ESF1: variants seen among roughly 807,000 people sequenced by gnomAD.
ESF1 encodes the protein ESF1 homolog.
ESF1 carries 58 observed loss-of-function variants against 92.0 expected under a neutral mutation model. The ratio of observed to expected loss-of-function variants is 0.63; its 90% CI spans 0.51 to 0.78. The LOEUF (loss-of-function observed/expected upper bound fraction) is 0.78. ESF1 is among the 30% of genes least tolerant of loss of function. ESF1 has a pLI of 0.00. For missense variants in ESF1, 922 were observed against 989.1 expected, an observed-to-expected ratio of 0.93 and a Z score of 0.91; for synonymous variants, 321 against 313.7, an observed-to-expected ratio of 1.02 and a Z score of -0.24.
intron 11 of ESF1, among the ~76,000 whole-genome samples, chr20:13,719,592 C>G (rs2049853924): frequency 6.6e-6 from 1 of 151,790 alleles, no homozygotes; most frequent in African/African-American, 2.4e-5. Context: ...AAAAAAAGAT[C>G]AAATTAAAGC....
At position 13,782,610 on chromosome 20, in the gene ESF1, T is replaced by C. The variant is rs1342086880; in HGVS notation, c.531A>G (p.Thr177=). ...TTTGTTTTTCTTCGAGAGAAGAGTC[T>C]GTAGTATGTTGAACAATGTTTTTTT... ...KEKKNIVQHT[T]DSSLEEKQRT... Residue 177 remains threonine, a synonymous_variant, in exon 2 of 14, where the codon ACA becomes ACG. Coordinates refer to ENST00000617257, the MANE Select transcript of ESF1 (RefSeq NM_001276380.2). 1 of 1,604,308 alleles carries C rather than the reference T, an allele frequency of 6.2e-7. No homozygotes were observed.
chr20:13,715,108 G>T lies in ESF1; in HGVS notation c.2322C>A (p.Asp774Glu). The change falls in exon 14 of 14, where the codon GAC becomes GAA. Residue 774 changes from aspartate (D) to glutamate (E), a missense_variant. Asp to Glu is a conservative substitution (Grantham distance 45, BLOSUM62 2). Coordinates refer to ENST00000617257, the MANE Select transcript of ESF1 (RefSeq NM_001276380.2). ...AMYTSHLFNL[D>E]PSDPNFKKTK... is the part of the protein sequence containing the mutation. The stretch of plus-strand genomic sequence containing the variant: ...TTTTCTTGAAATTGGGATCTGAGGG[G>T]TCCAAATTGAACAAGTGGGAAGTGT... The T allele has an allele frequency of 6.2e-7, 1 of 1,612,980 alleles. No homozygotes were observed. Among genetic ancestry groups the T allele is most frequent in the Non-Finnish European group, 8.5e-7 (1 of 1,179,782 alleles).
intron 9 of ESF1, among the ~76,000 whole-genome samples, chr20:13,752,919 G>A (rs1217235352): frequency 6.6e-6 from 1 of 152,142 alleles, no homozygotes; most frequent in East Asian, 1.9e-4. Flanking sequence ...TCCTCTTGCT[G>A]TGTGAGACAG....
intron 13 of ESF1, among the ~76,000 whole-genome samples, chr20:13,717,156 C>T (rs1326258496): frequency 6.6e-6 from 1 of 151,514 alleles, no homozygotes; most frequent in Non-Finnish European, 1.5e-5. Context: ...GAGGGTCCCA[C>T]TATGTTGCCC....
At position 13,776,053 on chromosome 20, in the gene ESF1, ATCC is replaced by A. The variant is rs761543593; in HGVS notation, c.852_854del (p.Glu284del). On this transcript the variant is annotated inframe_deletion, in exon 3 of 14. Coordinates refer to ENST00000617257, the MANE Select transcript of ESF1 (RefSeq NM_001276380.2). Reference sequence around the variant, plus strand: ...CATCATCCTCACTATCCTCATCTTCATCCTCCTCTTCATCTTCATCCTCCTCTT... The same window carrying A: ...CATCATCCTCACTATCCTCATCTTCATCCTCTTCATCTTCATCCTCCTCTT... 16 of 1,613,008 alleles carry A rather than the reference ATCC, an allele frequency of 9.9e-6. No homozygotes were observed. The East Asian group carries it at 2.0e-4, about 20-fold the overall frequency.
At chr20:13,737,740 G>A (rs1422854884) in intron 9 of ESF1, among the ~76,000 whole-genome samples, 1 of 151,934 alleles carries the variant, frequency 6.6e-6, no homozygotes, top group Non-Finnish European at 1.5e-5. Flanking sequence ...TGCAACCTCC[G>A]CCTCCCAGAT....
At chr20:13,744,068 T>C (rs1023955198) in intron 9 of ESF1, among the ~76,000 whole-genome samples, 2 of 152,232 alleles carry the variant, frequency 1.3e-5, no homozygotes, top group African/African-American at 4.8e-5. Context: ...GGTTCACTTA[T>C]TCATTATAAC....
chr20:13,739,586 CA>C (rs1356344447), intron 9 of ESF1, among the ~76,000 whole-genome samples: 1 of 152,046 alleles, frequency 6.6e-6, no homozygotes, highest in Non-Finnish European at 1.5e-5. Context: ...TAGTTTACGG[CA>C]AAGAAGACTG....
chr20:13,760,091 A>G (rs1305185851), intron 8 of ESF1, among the ~76,000 whole-genome samples: 1 of 152,262 alleles, frequency 6.6e-6, no homozygotes, highest in East Asian at 1.9e-4. Flanking sequence ...ATTAAAATTT[A>G]TATTGGATAA....
At position 13,714,892 on chromosome 20, in the gene ESF1, T is replaced by C. The variant is rs1205198073; in HGVS notation, c.2538A>G (p.Lys846=). ...CATCCAGTTATTTGACTTTTTGCTTTTTTCTTGCTTGAAACTGCTCTGTTT... is the reference window on the plus strand; with the variant it reads ...CATCCAGTTATTTGACTTTTTGCTTCTTTCTTGCTTGAAACTGCTCTGTTT... ...KTKTEQFQAR[K]KQKVK The change falls in exon 14 of 14, where the codon AAA becomes AAG. Residue 846 remains lysine, a synonymous_variant. Transcript: ENST00000617257. 1.3e-6 allele frequency: 2 copies of C among 1,597,136 alleles called. No homozygotes were observed. The highest frequency in any genetic ancestry group is 4.5e-5 in the East Asian group (2 of 44,754).
At chr20:13,748,515 T>TATATAC (rs1234485461) in intron 9 of ESF1, among the ~76,000 whole-genome samples, 2 of 133,164 alleles carry the variant, frequency 1.5e-5, no homozygotes, top group African/African-American at 5.9e-5. Flanking sequence ...CACATATATA[T>TATATAC]ACACATATAT....
chr20:13,728,122 A>T (rs2049914254), intron 11 of ESF1, among the ~76,000 whole-genome samples: 3 of 152,200 alleles, frequency 2.0e-5, no homozygotes, highest in Non-Finnish European at 4.4e-5. Flanking sequence ...TTTCCCAGAA[A>T]GGAATCCCCA....
Position 13,733,787 on chromosome 20 carries a change from T to C in ESF1, c.1884A>G (p.Lys628=). 1 of 1,613,206 alleles carries C rather than the reference T, an allele frequency of 6.2e-7. No homozygotes were observed. Among genetic ancestry groups the C allele is most frequent in the Non-Finnish European group, 8.5e-7 (1 of 1,179,836 alleles). ...MVKNKLEGKD[K]LTPWEQFLEK... is the part of the protein sequence containing the mutation. ...CTAAAAATTGTTCCCAAGGGGTCAGTTTATCCTTTCCTTCCAATTTGTTTT... is the reference window on the plus strand; with the variant it reads ...CTAAAAATTGTTCCCAAGGGGTCAGCTTATCCTTTCCTTCCAATTTGTTTT... Residue 628 remains lysine (K), a synonymous_variant, in exon 10 of 14, where the codon AAA becomes AAG. Transcript: ENST00000617257.
At position 13,769,785 on chromosome 20, in the gene ESF1, C is replaced by T. The variant is rs576918835; in HGVS notation, c.1518+122G>A. 6 of 730,878 alleles carry T rather than the reference C, an allele frequency of 8.2e-6. No individual in the cohort carries two copies. The East Asian group carries it at 1.7e-4, about 20-fold the overall frequency. The allele number at this position is 730,878 out of a possible 1,614,324, so 45.3% of individuals were successfully genotyped here. On this transcript the variant is annotated intron_variant, in intron 7 of 13. Transcript: ENST00000617257. ...TGGGTGAGAGAGCGAGACTCTGTCTCAAGAAAAAATAATAACAAAAAAATT... is the reference window on the plus strand; with the variant it reads ...TGGGTGAGAGAGCGAGACTCTGTCTTAAGAAAAAATAATAACAAAAAAATT...
At chr20:13,778,463 A>ATT (rs5840579) in intron 2 of ESF1, among the ~76,000 whole-genome samples, 31 of 151,948 alleles carry the variant, frequency 2.0e-4, no homozygotes, top group South Asian at 1.5e-3. Flanking sequence ...TTTGAATATC[A>ATT]TTTTTTTATT....
intron 3 of ESF1, among the ~76,000 whole-genome samples, chr20:13,775,474 T>C (rs1485587278): frequency 2.0e-5 from 3 of 152,216 alleles, no homozygotes; most frequent in Admixed American, 2.0e-4. Flanking sequence ...GTACTTTCTC[T>C]TACTTGGTTC....
intron 9 of ESF1, among the ~76,000 whole-genome samples, chr20:13,734,736 T>G (rs1456392483): frequency 6.7e-6 from 1 of 148,152 alleles, no homozygotes; most frequent in African/African-American, 2.5e-5. Context: ...CATAGTTGGG[T>G]GGATCTTTAA....
At chr20:13,775,671 T>A (rs2048712882) in intron 3 of ESF1, among the ~76,000 whole-genome samples, 1 of 152,186 alleles carries the variant, frequency 6.6e-6, no homozygotes, top group Non-Finnish European at 1.5e-5. Flanking sequence ...ATGCAACTTT[T>A]AATTATTTAT....
intron 2 of ESF1, among the ~76,000 whole-genome samples, chr20:13,781,542 A>G (rs925759574): frequency 6.6e-6 from 1 of 152,184 alleles, no homozygotes; most frequent in Non-Finnish European, 1.5e-5. Flanking sequence ...AAGGACAAGA[A>G]GGGCTAAAAT....
Sources: gnomAD v4.1 joint callset for allele counts (sites outside exome capture counted in the v4.1 genomes callset) on GRCh38, gnomAD v4.1.1 for gene constraint, MANE v1.5 for transcripts, NCBI Gene and HGNC (gene_info 2026-07-23, HGNC 2026-07-21) for gene names.